TMEM161B: variants seen among roughly 807,000 people sequenced by gnomAD.
TMEM161B encodes the protein transmembrane protein 161B.
TMEM161B carries 34 observed loss-of-function variants against 61.8 expected under a neutral mutation model. That is an observed-to-expected ratio of 0.55 (90% confidence interval 0.42 to 0.73). TMEM161B has a LOEUF of 0.73. TMEM161B is among the 30% of genes least tolerant of loss of function. TMEM161B has a pLI of 0.00. For missense variants in TMEM161B, 456 were observed against 558.5 expected (o/e 0.82, Z 1.85); for synonymous variants, 167 against 192.8 (o/e 0.87, Z 1.11).
In TMEM161B at chr5:88,195,944, C is replaced by A; in HGVS notation, c.*267G>T. ...AAACCAGGGTAATCAGAAATATTAC[C>A]CTTGTAGATAGCCCTCTCATACCAG... On this transcript the variant is annotated 3_prime_UTR_variant, in exon 12 of 12. Coordinates refer to ENST00000296595, the MANE Select transcript of TMEM161B (RefSeq NM_153354.5). The A allele has an allele frequency of 8.5e-7, 1 of 1,177,456 alleles. No individual in the cohort carries two copies. Among genetic ancestry groups the A allele is most frequent in the Non-Finnish European group, 1.1e-6 (1 of 950,974 alleles). The allele number at this position is 1,177,456 out of a possible 1,614,324, so 72.9% of individuals were successfully genotyped here.
intron 2 of TMEM161B, among the ~76,000 whole-genome samples, chr5:88,233,747 T>C (rs1329806100): frequency 6.6e-6 from 1 of 152,086 alleles, no homozygotes; most frequent in Non-Finnish European, 1.5e-5. Flanking sequence ...TGGTACCTTT[T>C]CTGATATGGA....
chr5:88,242,769 A>C (rs1209663821), intron 1 of TMEM161B, among the ~76,000 whole-genome samples: 2 of 151,736 alleles, frequency 1.3e-5, no homozygotes, highest in Admixed American at 1.3e-4. Flanking sequence ...TAGAAGACAC[A>C]ATTTTTCTTA....
intron 6 of TMEM161B, 32 bp downstream of exon 6, chr5:88,206,997 A>T (rs779274677): frequency 6.2e-7 from 1 of 1,602,288 alleles, no homozygotes; most frequent in African/African-American, 1.3e-5. Flanking sequence ...GATAAAGCAA[A>T]ATTGATTTTT....
At chr5:88,224,743 C>T (rs1421919562) in intron 4 of TMEM161B, among the ~76,000 whole-genome samples, 2 of 152,266 alleles carry the variant, frequency 1.3e-5, no homozygotes, top group East Asian at 3.9e-4. Context: ...TCCACCTCTG[C>T]CACCCCTGAC....
chr5:88,225,965 G>C, intron 3 of TMEM161B, 99 bp from the exon 4 acceptor site: 1 of 725,292 alleles, frequency 1.4e-6, no homozygotes, highest in African/African-American at 1.8e-5. Context: ...AAATTTCACA[G>C]TGAAAAGGCA....
At chr5:88,217,590 G>A (rs1435012106) in intron 5 of TMEM161B, among the ~76,000 whole-genome samples, 2 of 151,574 alleles carry the variant, frequency 1.3e-5, no homozygotes, top group Non-Finnish European at 2.9e-5. Context: ...GGGTGGTGGG[G>A]GGTAATAATA....
intron 4 of TMEM161B, among the ~76,000 whole-genome samples, chr5:88,225,111 G>T (rs1472280209): frequency 4.0e-5 from 6 of 151,858 alleles, no homozygotes; most frequent in Non-Finnish European, 8.8e-5. Flanking sequence ...GGGACTACAG[G>T]CGCCTGCCAC....
Position 88,195,331 on chromosome 5 carries a change from T to C in TMEM161B, c.*880A>G, listed in dbSNP as rs564757238. 137 of 811,612 alleles carry C rather than the reference T, an allele frequency of 1.7e-4. No homozygotes were observed. In the South Asian group the frequency reaches 6.8e-3, roughly 40 times the overall value. 50.3% of individuals were successfully genotyped at this position (811,612 alleles called of 1,614,324 possible). On this transcript the variant is annotated 3_prime_UTR_variant, in exon 12 of 12. Transcript: ENST00000296595. ...CTTAAAATATTATAAGGATTCAATA[T>C]TTTCATCTTTTATAATCTCAATATA...
Position 88,196,255 on chromosome 5 carries a change from T to C in TMEM161B, c.1420A>G (p.Ser474Gly). ...TGGTGATAGAAAAGCCCAAAAAGGC[T>C]TGTAGAAAAGAGGCAAGCAGCAATC... ...WWIAACLFST[S>G]LFGLFYHQYL... Residue 474 changes from serine (S) to glycine (G), a missense_variant, in exon 12 of 12, where the codon AGC becomes GGC. Coordinates refer to ENST00000296595, the MANE Select transcript of TMEM161B (RefSeq NM_153354.5). The C allele has an allele frequency of 5.0e-6, 8 of 1,612,852 alleles. No homozygotes were observed. Among genetic ancestry groups the C allele is most frequent in the Non-Finnish European group, 6.8e-6 (8 of 1,179,328 alleles).
Position 88,224,969 on chromosome 5 carries a change from T to G in TMEM161B, c.289+800A>C, listed in dbSNP as rs530813612. Among the ~76,000 whole-genome samples, 30 of 141,446 alleles carry G rather than the reference T, an allele frequency of 2.1e-4. 1 individual carries two copies. In the South Asian group the frequency reaches 6.8e-3, roughly 32 times the overall value. 92.8% of individuals were successfully genotyped at this position (141,446 alleles called of 152,430 possible). On this transcript the variant is annotated intron_variant, in intron 4 of 11. Transcript: ENST00000296595. The stretch of plus-strand genomic sequence containing the variant: ...TAACACACAAAATATGTTTTTGTTT[T>G]TTTTTTTTTTTTTTTTGAGACGGAG...
chr5:88,236,771 C>G (rs1485250158), intron 2 of TMEM161B, among the ~76,000 whole-genome samples: 3 of 152,132 alleles, frequency 2.0e-5, no homozygotes, highest in Non-Finnish European at 4.4e-5. Context: ...ATTATGTTGT[C>G]ATGGAGAATC....
intron 6 of TMEM161B, 46 bp downstream of exon 6, chr5:88,206,983 A>C: frequency 6.4e-7 from 1 of 1,571,814 alleles, no homozygotes; most frequent in Non-Finnish European, 8.7e-7. Flanking sequence ...AAATATTAAC[A>C]CTAGATAAAG....
intron 1 of TMEM161B, among the ~76,000 whole-genome samples, chr5:88,253,376 G>A (rs1030600619): frequency 6.6e-6 from 1 of 152,126 alleles, no homozygotes; most frequent in African/African-American, 2.4e-5. Flanking sequence ...CTCCAATAGA[G>A]TGATTAAATA....
At chr5:88,234,916 C>A (rs1390402563) in intron 2 of TMEM161B, among the ~76,000 whole-genome samples, 1 of 151,982 alleles carries the variant, frequency 6.6e-6, no homozygotes, top group Non-Finnish European at 1.5e-5. Flanking sequence ...AATAAATAAG[C>A]CTTTCATATT....
At chr5:88,199,259 CAGTT>C in intron 9 of TMEM161B, 109 bp from the exon 10 acceptor site, 6 of 1,026,708 alleles carry the variant, frequency 5.8e-6, no homozygotes, top group South Asian at 5.8e-5. Context: ...TACTTCGCAA[CAGTT>C]AGACACATAA....
At chr5:88,191,118 T>C (rs960689992), downstream of TMEM161B, among the ~76,000 whole-genome samples, 3 of 152,248 alleles carry the variant, frequency 2.0e-5, no homozygotes, top group African/African-American at 7.2e-5. Flanking sequence ...TCTATGATTA[T>C]TGCCCTTCAT....
chr5:88,230,589 C>A (rs1345327821), intron 2 of TMEM161B, among the ~76,000 whole-genome samples: 1 of 152,178 alleles, frequency 6.6e-6, no homozygotes, highest in East Asian at 1.9e-4. Context: ...GAAGGTGACA[C>A]TTTCTGGCTT....
intron 1 of TMEM161B, among the ~76,000 whole-genome samples, chr5:88,242,464 A>G (rs1413710358): frequency 2.0e-5 from 3 of 151,754 alleles, no homozygotes; most frequent in African/African-American, 7.3e-5. Context: ...AACCTTCTAT[A>G]CCAAAAAAGC....
rs35091076 is a variant in TMEM161B at position 88,203,750 on chromosome 5, CATATATATATATATATATATATATAT to C, written c.801-701_801-676del. ...AACACACTTGAAATAATTTCCCTAT[CATATATATATATATATATATATATAT>C]ATATATATATATATATATATATATA... is the stretch of plus-strand genomic sequence containing the variant. On this transcript the variant is annotated intron_variant, in intron 8 of 11. Transcript: ENST00000296595. Among the ~76,000 whole-genome samples, 357 of 93,786 alleles carry C rather than the reference CATATATATATATATATATATATATAT, an allele frequency of 3.8e-3. 1 individual carries two copies. Among genetic ancestry groups the C allele is most frequent in the East Asian group, 7.4e-3 (29 of 3,898 alleles). 61.5% of individuals were successfully genotyped at this position (93,786 alleles called of 152,430 possible). A position where few individuals can be genotyped will look rare whatever the true frequency, so the allele number is the denominator to read the frequency against.
Sources: gnomAD v4.1 joint callset for allele counts (sites outside exome capture counted in the v4.1 genomes callset) on GRCh38, gnomAD v4.1.1 for gene constraint, MANE v1.5 for transcripts, NCBI Gene and HGNC (gene_info 2026-07-23, HGNC 2026-07-21) for gene names.